Variants in HAPLN2 observed in about 807,000 individuals in gnomAD.
HAPLN2 encodes the protein hyaluronan and proteoglycan link protein 2.
Under a neutral mutation model 29.3 loss-of-function variants are expected in HAPLN2, and 27 were observed. The ratio of observed to expected loss-of-function variants is 0.92; its 90% CI spans 0.68 to 1.27. HAPLN2 has a LOEUF of 1.27. Among genes scored for constraint, HAPLN2 ranks in the 50% most tolerant of loss-of-function variants. The pLI is 0.00. For synonymous variants in HAPLN2, 208 were observed against 211.7 expected, an observed-to-expected ratio of 0.98 and a Z score of 0.15; for missense variants, 454 against 484.3, an observed-to-expected ratio of 0.94 and a Z score of 0.59.
intron 4 of HAPLN2, 23 bp downstream of exon 4, chr1:156,624,183 C>A: frequency 6.2e-7 from 1 of 1,603,286 alleles, no homozygotes; most frequent in Non-Finnish European, 8.5e-7. Flanking sequence ...CGCTCCCGCC[C>A]CATTCCTGTG....
chr1:156,603,558 A>G, the HAPLN2 span, among the ~76,000 whole-genome samples: 2 of 152,150 alleles, frequency 1.3e-5, no homozygotes, highest in Non-Finnish European at 2.9e-5. Flanking sequence ...TATATATGAA[A>G]TATATAAGAA....
the HAPLN2 span, among the ~76,000 whole-genome samples, chr1:156,604,394 G>T: frequency 2.0e-5 from 3 of 151,460 alleles, no homozygotes; most frequent in African/African-American, 7.3e-5. Flanking sequence ...CTAGGTTCAA[G>T]CGATTCTGCC....
the HAPLN2 span, among the ~76,000 whole-genome samples, chr1:156,602,529 G>A: frequency 8.5e-6 from 1 of 118,038 alleles, no homozygotes; most frequent in Non-Finnish European, 1.6e-5. Context: ...GCAAAATGGC[G>A]AGACACCGAC....
chr1:156,613,401 T>C, the HAPLN2 span, among the ~76,000 whole-genome samples: 2 of 152,200 alleles, frequency 1.3e-5, no homozygotes, highest in Admixed American at 1.3e-4. Flanking sequence ...GATATAGGAC[T>C]GGCTAACTTT....
the HAPLN2 span, among the ~76,000 whole-genome samples, chr1:156,608,539 C>T: frequency 0.95 from 144,675 of 151,946 alleles, 69,303 homozygotes; most frequent in East Asian, 1. Context: ...TTTCTTCCTT[C>T]CTTTCCTTAC....
chr1:156,602,733 G>T, the HAPLN2 span, among the ~76,000 whole-genome samples: 1 of 151,246 alleles, frequency 6.6e-6, no homozygotes, highest in Non-Finnish European at 1.5e-5. Context: ...GTTTGGACTT[G>T]CCCTGTCGGT....
chr1:156,621,031 G>A (rs1310188652), intron 2 of HAPLN2, among the ~76,000 whole-genome samples: 1 of 151,792 alleles, frequency 6.6e-6, no homozygotes, highest in African/African-American at 2.4e-5. Context: ...ATTAACTTAT[G>A]CATAGTCATG....
At chr1:156,622,278 T>G (rs976482473) in intron 2 of HAPLN2, among the ~76,000 whole-genome samples, 1 of 151,896 alleles carries the variant, frequency 6.6e-6, no homozygotes, top group African/African-American at 2.4e-5. Context: ...AAACTCCATC[T>G]CTACAAAAAA....
At chr1:156,616,132 AGCGAGTGTG>A (rs529093269), upstream of HAPLN2, among the ~76,000 whole-genome samples, 217 of 152,218 alleles carry the variant, frequency 1.4e-3, 2 homozygotes, top group Middle Eastern at 0.01. Context: ...GGATGGTGGA[AGCGAGTGTG>A]GGTGTTAGAG....
At position 156,623,505 on chromosome 1, in the gene HAPLN2, C is replaced by A. The variant is rs200487120; in HGVS notation, c.15C>A (p.Leu5=). Residue 5 remains leucine (L), a synonymous_variant, in exon 3 of 7, where the codon CTC becomes CTA. Coordinates refer to ENST00000255039, the MANE Select transcript of HAPLN2 (RefSeq NM_021817.3). ...GACCCCCCATCATGCCAGGCTGGCT[C>A]ACCCTCCCCACACTCTGCCGCTTCC... MPGW[L]TLPTLCRFLL... The A allele has an allele frequency of 7.0e-5, 113 of 1,614,012 alleles. No individual in the cohort carries two copies. Among genetic ancestry groups the A allele is most frequent in the Non-Finnish European group, 9.2e-5 (108 of 1,180,034 alleles).
At chr1:156,624,289 C>T (rs1269150210) in intron 4 of HAPLN2, 62 bp from the exon 5 acceptor site, 1 of 1,518,456 alleles carries the variant, frequency 6.6e-7, no homozygotes, top group Non-Finnish European at 8.9e-7. Context: ...CAGGCCGCGC[C>T]GCCCTTCCTC....
chr1:156,624,528 G>A (rs555940406), intron 5 of HAPLN2, 61 bp downstream of exon 5: 2 of 1,603,118 alleles, frequency 1.2e-6, no homozygotes, highest in Non-Finnish European at 1.7e-6. Flanking sequence ...GCCCGAGAGA[G>A]GGCGCCAGGC....
the HAPLN2 span, among the ~76,000 whole-genome samples, chr1:156,613,244 A>G: frequency 6.6e-6 from 1 of 151,984 alleles, no homozygotes; most frequent in Admixed American, 6.6e-5. Context: ...CCAGCTACTC[A>G]GGAGGCCGAG....
the HAPLN2 span, among the ~76,000 whole-genome samples, chr1:156,610,849 A>C: frequency 2.6e-5 from 4 of 151,994 alleles, no homozygotes; most frequent in Non-Finnish European, 5.9e-5. Flanking sequence ...AGGAAAGGAA[A>C]ATTTTACTTT....
At chr1:156,623,407 C>A in intron 2 of HAPLN2, 60 bp from the exon 3 acceptor site, 2 of 1,429,714 alleles carry the variant, frequency 1.4e-6, no homozygotes, top group East Asian at 2.4e-5. Flanking sequence ...ACCCACAACC[C>A]TGCTCTTCCC....
In HAPLN2 at chr1:156,623,041, T is replaced by TA. The variant is rs1463020915; in HGVS notation, c.-24-423dup. 1.0e-3 allele frequency among the ~76,000 whole-genome samples: 96 copies of TA among 93,264 alleles called. 5 individuals carry two copies. Among genetic ancestry groups the TA allele is most frequent in the African/African-American group, 4.2e-3 (85 of 20,220 alleles). 61.2% of individuals were successfully genotyped at this position (93,264 alleles called of 152,430 possible). The stretch of plus-strand genomic sequence containing the variant: ...GGAGCAACACTCTGTCTCAAAAAAA[T>TA]AAATAAATAAATAAATAAATAAATA... On this transcript the variant is annotated intron_variant, in intron 2 of 6. Coordinates refer to ENST00000255039, the MANE Select transcript of HAPLN2 (RefSeq NM_021817.3).
chr1:156,624,069 G>C lies in HAPLN2; in HGVS notation c.348G>C (p.Ala116=). Residue 116 remains alanine, a synonymous_variant, in exon 4 of 7, where the codon GCG becomes GCC. Transcript: ENST00000255039. ...GHRLDASLVI[A]GVRLEDEGRY... ...GACTAGACGCCTCCCTGGTCATCGC[G>C]GGCGTGCGCCTGGAGGACGAGGGCC... is the stretch of plus-strand genomic sequence containing the variant. 2 of 1,613,558 alleles carry C rather than the reference G, an allele frequency of 1.2e-6. No homozygotes were observed. Among genetic ancestry groups the C allele is most frequent in the Non-Finnish European group, 1.7e-6 (2 of 1,179,896 alleles).
the HAPLN2 span, among the ~76,000 whole-genome samples, chr1:156,613,350 CA>C: frequency 1.3e-5 from 2 of 151,072 alleles, no homozygotes; most frequent in Non-Finnish European, 3.0e-5. Flanking sequence ...GACTCCGTCT[CA>C]AAAAAAAGAA....
chr1:156,610,970 A>G, the HAPLN2 span, among the ~76,000 whole-genome samples: 1 of 152,186 alleles, frequency 6.6e-6, no homozygotes, highest in African/African-American at 2.4e-5. Context: ...TCATGTGTGT[A>G]TGGATTTTAT....
Sources: allele counts gnomAD v4.1 joint callset (sites outside exome capture counted in the v4.1 genomes callset), GRCh38; gene constraint gnomAD v4.1.1; transcripts MANE v1.5; gene names NCBI Gene and HGNC (gene_info 2026-07-23, HGNC 2026-07-21).